The following SNX8 variants were observed in gnomAD, a reference collection of about 807,000 sequenced individuals.
SNX8 encodes the protein sorting nexin-8.
SNX8 carries 25 observed loss-of-function variants against 51.6 expected under a neutral mutation model. That is an observed-to-expected ratio of 0.48 (90% CI 0.35 to 0.68). The LOEUF (loss-of-function observed/expected upper bound fraction) is 0.68, where lower values mean the gene tolerates loss of function less well. Ranked by LOEUF, SNX8 falls within the 30% of genes least tolerant of loss-of-function variation. The probability of loss-of-function intolerance (pLI) is 0.00; values close to 1 mark genes in which losing one functional copy is unlikely to be tolerated. For missense variants in SNX8, 695 were observed against 624.0 expected, an observed-to-expected ratio of 1.11 and a Z score of -1.21; for synonymous variants, 324 against 277.0, an observed-to-expected ratio of 1.17 and a Z score of -1.68.
intron 1 of SNX8, among the ~76,000 whole-genome samples, chr7:2,347,766 C>A (rs554076423): frequency 1.1e-4 from 16 of 151,998 alleles, no homozygotes; most frequent in African/African-American, 3.9e-4. Context: ...CTGTGTCAGC[C>A]TCCCAAGTAG....
intron 1 of SNX8, among the ~76,000 whole-genome samples, chr7:2,329,646 C>G (rs1262303453): frequency 6.6e-6 from 1 of 152,146 alleles, no homozygotes; most frequent in Non-Finnish European, 1.5e-5. Flanking sequence ...GCCCTATTCC[C>G]TGGGGGAAGG....
chr7:2,324,623 T>A (rs2115228113), intron 1 of SNX8, among the ~76,000 whole-genome samples: 1 of 151,978 alleles, frequency 6.6e-6, no homozygotes, highest in South Asian at 2.1e-4. Context: ...AAAAATAAAC[T>A]AAGAATAAAA....
At chr7:2,285,040 A>G (rs1046858099) in intron 1 of SNX8, among the ~76,000 whole-genome samples, 30 of 151,858 alleles carry the variant, frequency 2.0e-4, no homozygotes, top group Non-Finnish European at 4.0e-4. Flanking sequence ...ATGAAACCTC[A>G]TCTCTTCTAA....
chr7:2,277,764 G>T (rs1207107038), intron 2 of SNX8, among the ~76,000 whole-genome samples: 1 of 151,844 alleles, frequency 6.6e-6, no homozygotes, highest in Non-Finnish European at 1.5e-5. Flanking sequence ...CCGAGATCAT[G>T]CCACTGCACT....
rs565784309 is a variant in SNX8, at chr7:2,286,527, T to A, written c.95-8222A>T. Among the ~76,000 whole-genome samples, 1,076 of 118,708 alleles carry A rather than the reference T, an allele frequency of 9.1e-3. 9 individuals carry two copies. The highest frequency in any genetic ancestry group is 0.043 in the South Asian group (153 of 3,586). 77.9% of individuals were successfully genotyped at this position (118,708 alleles called of 152,430 possible). On this transcript the variant is annotated intron_variant, in intron 1 of 10. Coordinates refer to ENST00000222990, the MANE Select transcript of SNX8 (RefSeq NM_013321.4). The stretch of plus-strand genomic sequence containing the variant: ...GCCATACGGGCTATTTTATAATTTT[T>A]TTTTTTTTTTAATGGAGTCTTGCTC...
chr7:2,274,065 G>A (rs1795717583), intron 3 of SNX8, among the ~76,000 whole-genome samples: 1 of 152,236 alleles, frequency 6.6e-6, no homozygotes, highest in African/African-American at 2.4e-5. Context: ...GGCGCTGAAC[G>A]CCAGCCAGCG....
intron 1 of SNX8, among the ~76,000 whole-genome samples, chr7:2,345,555 G>A (rs2115249069): frequency 6.6e-6 from 1 of 152,084 alleles, no homozygotes; most frequent in Non-Finnish European, 1.5e-5. Flanking sequence ...GCAGGCACCT[G>A]TAATCCCAGC....
At chr7:2,272,338 T>C (rs1420993135) in intron 3 of SNX8, among the ~76,000 whole-genome samples, 2 of 152,096 alleles carry the variant, frequency 1.3e-5, no homozygotes, top group African/African-American at 4.8e-5. Flanking sequence ...AAATGGGTTT[T>C]GCTACGCTCT....
At chr7:2,306,431 G>T (rs1381532030) in intron 1 of SNX8, among the ~76,000 whole-genome samples, 2 of 152,178 alleles carry the variant, frequency 1.3e-5, no homozygotes, top group Non-Finnish European at 2.9e-5. Flanking sequence ...TTTTAATATG[G>T]ATTCCATTTA....
rs71023395 is a variant in SNX8, at chr7:2,329,831, CTT to C, written c.-66+24389_-66+24390del. Among the ~76,000 whole-genome samples, 182 of 142,470 alleles carry C rather than the reference CTT, an allele frequency of 1.3e-3. 1 individual carries two copies. Among genetic ancestry groups the C allele is most frequent in the Admixed American group, 1.4e-3 (20 of 14,054 alleles). 93.5% of individuals were successfully genotyped at this position (142,470 alleles called of 152,430 possible). A position where few individuals can be genotyped will look rare whatever the true frequency, so the allele number is the denominator to read the frequency against. On this transcript the variant is annotated intron_variant, in intron 1 of 5. Coordinates refer to the SNX8 transcript ENST00000435336. Reference sequence around the variant, plus strand: ...CTTCATCCATATTTTTTGCAATGTCCTTTTTTTTTTTTTTGAGACAAAGTCTC... The same window carrying C: ...CTTCATCCATATTTTTTGCAATGTCCTTTTTTTTTTTTGAGACAAAGTCTC...
At chr7:2,341,527 C>G (rs1188502454) in intron 1 of SNX8, among the ~76,000 whole-genome samples, 1 of 151,494 alleles carries the variant, frequency 6.6e-6, no homozygotes, top group East Asian at 2.0e-4. Context: ...AAGTTGAAGG[C>G]TAGGTGCCAT....
intron 1 of SNX8, among the ~76,000 whole-genome samples, chr7:2,324,197 C>A (rs1778588020): frequency 6.6e-6 from 1 of 151,940 alleles, no homozygotes. Flanking sequence ...GTAATCATAG[C>A]ACTTTGAGAG....
intron 1 of SNX8, among the ~76,000 whole-genome samples, chr7:2,341,807 T>C (rs545128305): frequency 6.6e-6 from 1 of 151,812 alleles, no homozygotes; most frequent in African/African-American, 2.4e-5. Flanking sequence ...GCCAACATGG[T>C]GAAGCCCCGT....
At chr7:2,284,701 G>C (rs551696036) in intron 1 of SNX8, among the ~76,000 whole-genome samples, 1 of 151,968 alleles carries the variant, frequency 6.6e-6, no homozygotes, top group African/African-American at 2.4e-5. Flanking sequence ...ACTGTGCCTG[G>C]CCTATTGCTT....
intron 7 of SNX8, among the ~76,000 whole-genome samples, chr7:2,258,640 G>C (rs537092546): frequency 7.0e-4 from 106 of 152,332 alleles, no homozygotes; most frequent in Middle Eastern, 6.8e-3. Flanking sequence ...GGGGGCACAG[G>C]GAAGGGGGCG....
intron 1 of SNX8, among the ~76,000 whole-genome samples, chr7:2,343,432 T>C (rs1778968437): frequency 1.3e-5 from 2 of 152,050 alleles, no homozygotes; most frequent in South Asian, 4.1e-4. Flanking sequence ...TCCCAGCACC[T>C]TGGGAGGCCG....
chr7:2,305,446 C>A (rs939807421), intron 1 of SNX8, among the ~76,000 whole-genome samples: 5 of 152,130 alleles, frequency 3.3e-5, no homozygotes, highest in African/African-American at 1.2e-4. Flanking sequence ...TCACTGCAAC[C>A]TCTGCCTCCT....
chr7:2,303,164 G>A (rs2115188811), intron 1 of SNX8, among the ~76,000 whole-genome samples: 1 of 147,512 alleles, frequency 6.8e-6, no homozygotes, highest in African/African-American at 2.5e-5. Flanking sequence ...GAGTGCCTCT[G>A]CCCAGCCGTC....
rs12699825 is a variant in SNX8, at chr7:2,304,340, A to G, written c.94+9988T>C. Among the ~76,000 whole-genome samples the G allele has an allele frequency of 8.2e-3, 1,247 of 151,482 alleles. 4 individuals are homozygous for G. The highest frequency in any genetic ancestry group is 0.015 in the South Asian group (70 of 4,800). On this transcript the variant is annotated intron_variant, in intron 1 of 10. Transcript: ENST00000222990. ...TGGGCAGATCACGAGGTCAGGAGAT[A>G]GAGACCATCCTGGCTAACAGGGTGA...
Sources: gnomAD v4.1 joint callset for allele counts (sites outside exome capture counted in the v4.1 genomes callset) on GRCh38, gnomAD v4.1.1 for gene constraint, MANE v1.5 for transcripts, NCBI Gene and HGNC (gene_info 2026-07-23, HGNC 2026-07-21) for gene names.